Variants in VGLL3 observed in about 807,000 individuals in gnomAD.
VGLL3 encodes vestigial like family member 3.
A neutral mutation model predicts 29.2 loss-of-function variants in VGLL3; 18 were observed. The ratio of observed to expected loss-of-function variants is 0.62; its 90% confidence interval spans 0.43 to 0.91. The LOEUF (loss-of-function observed/expected upper bound fraction) is 0.91, where lower values mean the gene tolerates loss of function less well. VGLL3 is among the 40% of genes least tolerant of loss of function. The probability of loss-of-function intolerance (pLI) is 0.00; values close to 1 mark genes in which losing one functional copy is unlikely to be tolerated. For synonymous variants in VGLL3, 180 were observed against 151.8 expected (o/e 1.19, Z -1.36); for missense variants, 440 against 413.2 (o/e 1.06, Z -0.56).
intron 3 of VGLL3, among the ~76,000 whole-genome samples, chr3:86,959,772 GTAAC>G (rs1302367009): frequency 1.3e-5 from 2 of 152,020 alleles, no homozygotes; most frequent in African/African-American, 4.8e-5. Context: ...TTAACATATC[GTAAC>G]TAACTTTTAA....
At chr3:86,965,056 C>G (rs1235137740) in intron 3 of VGLL3, among the ~76,000 whole-genome samples, 1 of 151,598 alleles carries the variant, frequency 6.6e-6, no homozygotes, top group Non-Finnish European at 1.5e-5. Context: ...ACTCGGGAGG[C>G]TGAGGCAGGA....
Position 86,946,471 on chromosome 3 carries a change from G to A in VGLL3, c.*553C>T, listed in dbSNP as rs1704509085. 2 of 152,152 alleles carry A rather than the reference G, an allele frequency of 1.3e-5. No individual in the cohort carries two copies. Among genetic ancestry groups the A allele is most frequent in the African/African-American group, 4.8e-5 (2 of 41,424 alleles). The allele number at this position is 152,152 out of a possible 1,614,324, so 9.4% of individuals were successfully genotyped here. A position where few individuals can be genotyped will look rare whatever the true frequency, so the allele number is the denominator to read the frequency against. On this transcript the variant is annotated 3_prime_UTR_variant, in exon 4 of 4. Coordinates refer to ENST00000398399, the MANE Select transcript of VGLL3 (RefSeq NM_016206.4). ...GAAAGCACAGACAGAGCATATAATA[G>A]ACATCTTAGAGATAAGCATTTTAAA...
intron 3 of VGLL3, among the ~76,000 whole-genome samples, chr3:86,964,338 C>T (rs902006029): frequency 6.6e-6 from 1 of 152,054 alleles, no homozygotes; most frequent in Non-Finnish European, 1.5e-5. Context: ...TTTTGCTAAC[C>T]CCTGGATTAT....
At chr3:86,976,020 A>G (rs1705203404) in intron 2 of VGLL3, among the ~76,000 whole-genome samples, 2 of 152,110 alleles carry the variant, frequency 1.3e-5, no homozygotes, top group South Asian at 4.1e-4. Context: ...AGGCTGAGGC[A>G]GGAGAATCGC....
At chr3:86,986,030 TAC>T (rs915375985) in intron 1 of VGLL3, among the ~76,000 whole-genome samples, 138 of 131,488 alleles carry the variant, frequency 1.0e-3, no homozygotes, top group Non-Finnish European at 1.6e-3. Flanking sequence ...TATATATATA[TAC>T]ACACACACAC....
chr3:86,967,589 T>C (rs941050709), intron 3 of VGLL3, among the ~76,000 whole-genome samples: 1 of 152,138 alleles, frequency 6.6e-6, no homozygotes, highest in South Asian at 2.1e-4. Flanking sequence ...AACCAGCACA[T>C]GATTAAGGGT....
chr3:86,983,091 C>T (rs1705362033), intron 1 of VGLL3, among the ~76,000 whole-genome samples: 2 of 152,150 alleles, frequency 1.3e-5, no homozygotes, highest in South Asian at 4.1e-4. Context: ...AGCCAAATAC[C>T]ACTAACTCCC....
At chr3:86,985,550 A>G (rs776816781) in intron 1 of VGLL3, among the ~76,000 whole-genome samples, 2 of 152,208 alleles carry the variant, frequency 1.3e-5, no homozygotes, top group Non-Finnish European at 2.9e-5. Context: ...TATCCACTGA[A>G]CTATCAGTAA....
In VGLL3 at chr3:86,990,731, C is replaced by G. The variant is rs1256390992; in HGVS notation, c.13G>C (p.Glu5Gln). The G allele has an allele frequency of 7.1e-7, 1 of 1,417,596 alleles. No homozygotes were observed. Among genetic ancestry groups the G allele is most frequent in the African/African-American group, 1.5e-5 (1 of 67,472 alleles). 87.8% of individuals were successfully genotyped at this position (1,417,596 alleles called of 1,614,324 possible). MSCA[E>Q]VMYHPQPYGA... is the part of the protein sequence containing the mutation. ...TAAGGCTGGGGGTGATACATCACCT[C>G]CGCACAACTCATGGCAGCCGGGGCA... Residue 5 changes from glutamate (E) to glutamine (Q), a missense_variant, in exon 1 of 4, where the codon GAG (glutamate) becomes CAG (glutamine). Coordinates refer to ENST00000398399, the MANE Select transcript of VGLL3 (RefSeq NM_016206.4).
intron 3 of VGLL3, among the ~76,000 whole-genome samples, chr3:86,963,333 C>CA (rs1483556780): frequency 6.6e-6 from 1 of 152,046 alleles, no homozygotes; most frequent in Non-Finnish European, 1.5e-5. Context: ...AAAAAAGACA[C>CA]AAAAAGCCAC....
chr3:86,973,343 C>T (rs1705144106), intron 2 of VGLL3, among the ~76,000 whole-genome samples: 1 of 152,062 alleles, frequency 6.6e-6, no homozygotes, highest in African/African-American at 2.4e-5. Flanking sequence ...TTATTAATAT[C>T]AGTTAAAAAA....
chr3:86,981,379 A>G (rs967239746), intron 1 of VGLL3, among the ~76,000 whole-genome samples: 2 of 152,022 alleles, frequency 1.3e-5, no homozygotes, highest in Non-Finnish European at 2.9e-5. Context: ...ATATTTTTCA[A>G]TATGCAATGG....
chr3:86,962,754 A>G, intron 3 of VGLL3: 10 of 544,328 alleles, frequency 1.8e-5, no homozygotes, highest in Non-Finnish European at 2.3e-5. Flanking sequence ...ACAGTGGCTC[A>G]CACCTGTAAT....
chr3:86,984,853 A>G (rs1394849067), intron 1 of VGLL3, among the ~76,000 whole-genome samples: 1 of 152,220 alleles, frequency 6.6e-6, no homozygotes, highest in Non-Finnish European at 1.5e-5. Flanking sequence ...GTTTATTTAT[A>G]TGGCTGATGG....
chr3:86,950,377 T>C (rs1009174719), intron 3 of VGLL3, among the ~76,000 whole-genome samples: 30 of 152,208 alleles, frequency 2.0e-4, no homozygotes, highest in African/African-American at 7.0e-4. Flanking sequence ...ATAATACTTA[T>C]TTTACAAATG....
intron 1 of VGLL3, among the ~76,000 whole-genome samples, chr3:86,983,357 T>C (rs920220183): frequency 2.6e-5 from 4 of 152,142 alleles, no homozygotes; most frequent in African/African-American, 9.7e-5. Context: ...AAGCAGCACA[T>C]TACTCTGTGA....
intron 2 of VGLL3, among the ~76,000 whole-genome samples, chr3:86,974,369 C>T (rs1241960602): frequency 6.6e-6 from 1 of 152,092 alleles, no homozygotes; most frequent in African/African-American, 2.4e-5. Flanking sequence ...ACTGCCCGGC[C>T]GCGGCCTCCC....
Position 86,939,775 on chromosome 3 carries a change from T to C in VGLL3, c.*7249A>G, listed in dbSNP as rs1178203155. The C allele has an allele frequency of 6.6e-6, 1 of 152,328 alleles. No individual in the cohort carries two copies. Among genetic ancestry groups the C allele is most frequent in the African/African-American group, 2.4e-5 (1 of 41,444 alleles). 9.4% of individuals were successfully genotyped at this position (152,328 alleles called of 1,614,324 possible). On this transcript the variant is annotated 3_prime_UTR_variant, in exon 4 of 4. Transcript: ENST00000398399. Reference sequence around the variant, plus strand: ...GAAGAAGAGGAAGTCAGTGATGTCATGTGAGAAGGTCTTGACCAGGTTGCT... The same window carrying C: ...GAAGAAGAGGAAGTCAGTGATGTCACGTGAGAAGGTCTTGACCAGGTTGCT...
At chr3:86,957,103 C>T (rs186596948) in intron 3 of VGLL3, among the ~76,000 whole-genome samples, 21 of 151,690 alleles carry the variant, frequency 1.4e-4, no homozygotes, top group African/African-American at 5.1e-4. Context: ...TTTTTAGTAC[C>T]CTCTCATTCC....
Sources: gnomAD v4.1 joint callset for allele counts (sites outside exome capture counted in the v4.1 genomes callset) on GRCh38, gnomAD v4.1.1 for gene constraint, MANE v1.5 for transcripts, NCBI Gene and HGNC (gene_info 2026-07-23, HGNC 2026-07-21) for gene names.